The following PLXNA2 variants were observed in gnomAD, a reference collection of about 807,000 sequenced individuals.
The protein encoded by PLXNA2 is plexin-A2.
PLXNA2 carries 91 observed loss-of-function variants against 193.5 expected under a neutral mutation model. The ratio of observed to expected loss-of-function variants is 0.47; its 90% CI spans 0.40 to 0.56. The LOEUF (loss-of-function observed/expected upper bound fraction) is 0.56, where lower values mean the gene tolerates loss of function less well. Among genes scored for constraint, PLXNA2 ranks in the 20% least tolerant of loss-of-function variants. The probability of loss-of-function intolerance (pLI) is 0.00; values close to 1 mark genes in which losing one functional copy is unlikely to be tolerated. For missense variants in PLXNA2, 1,995 were observed against 2,503.2 expected, an observed-to-expected ratio of 0.80 and a Z score of 4.33; for synonymous variants, 997 against 1,027.3, an observed-to-expected ratio of 0.97 and a Z score of 0.56.
At chr1:208,226,993 C>T (rs1671531990) in intron 1 of PLXNA2, among the ~76,000 whole-genome samples, 1 of 152,242 alleles carries the variant, frequency 6.6e-6, no homozygotes, top group Non-Finnish European at 1.5e-5. Flanking sequence ...GGTCATCCCA[C>T]CTCTTCCCTG....
At chr1:208,160,832 A>G (rs1669086791) in intron 3 of PLXNA2, among the ~76,000 whole-genome samples, 1 of 152,246 alleles carries the variant, frequency 6.6e-6, no homozygotes, top group South Asian at 2.1e-4. Flanking sequence ...TGGGCCTTGT[A>G]CTATAATAGA....
rs2102324107 is a variant in PLXNA2, at chr1:208,044,992, G to A, written c.3639+75C>T. 1.9e-6 allele frequency: 3 copies of A among 1,558,096 alleles called. No individual in the cohort carries two copies. Among genetic ancestry groups the A allele is most frequent in the Non-Finnish European group, 2.6e-6 (3 of 1,133,160 alleles). ...GTGAGTCAGGCAACGAGACAGAAGA[G>A]AGCCTTTCCTTAGGACAGATCACAC... is the stretch of plus-strand genomic sequence containing the variant. On this transcript the variant is annotated intron_variant, in intron 19 of 31. Coordinates refer to ENST00000367033, the MANE Select transcript of PLXNA2 (RefSeq NM_025179.4). The surrounding 1 kb of genome is among the most constrained non-coding windows in gnomAD (Gnocchi z 4.9).
intron 3 of PLXNA2, among the ~76,000 whole-genome samples, chr1:208,157,692 GGTTCCGGGTTCAA>G (rs1204177018): frequency 2.0e-5 from 3 of 152,182 alleles, no homozygotes; most frequent in African/African-American, 7.2e-5. Context: ...AGCTGTGTAA[GGTTCCGGGTTCAA>G]GTTCTGGGTA....
chr1:208,107,166 A>G (rs959249497), intron 4 of PLXNA2, among the ~76,000 whole-genome samples: 17 of 152,360 alleles, frequency 1.1e-4, no homozygotes, highest in African/African-American at 3.8e-4. Context: ...CATTGGTGTC[A>G]CGTGTGAGAT....
At chr1:208,049,870 T>A (rs1372400645) in intron 17 of PLXNA2, among the ~76,000 whole-genome samples, 1 of 152,156 alleles carries the variant, frequency 6.6e-6, no homozygotes, top group Non-Finnish European at 1.5e-5. Context: ...ATCTTCTCCA[T>A]CTCCATCTTA....
At chr1:208,156,679 C>A (rs1483463296) in intron 3 of PLXNA2, among the ~76,000 whole-genome samples, 1 of 152,184 alleles carries the variant, frequency 6.6e-6, no homozygotes, top group African/African-American at 2.4e-5. Flanking sequence ...CATTTTAATG[C>A]TCTTATTCTG....
chr1:208,232,056 TG>T (rs1254818541), intron 1 of PLXNA2, among the ~76,000 whole-genome samples: 1 of 152,224 alleles, frequency 6.6e-6, no homozygotes, highest in East Asian at 1.9e-4. Context: ...GGAAAAGGCC[TG>T]GGGCTGGGAG....
At chr1:208,127,939 A>C (rs950592694) in intron 4 of PLXNA2, among the ~76,000 whole-genome samples, 3 of 152,100 alleles carry the variant, frequency 2.0e-5, no homozygotes, top group African/African-American at 7.2e-5. Context: ...TAGGAATCTG[A>C]TCATGAAGAC....
chr1:208,023,078 A>G lies in PLXNA2; in HGVS notation c.*4165T>C, dbSNP rs1664232735. 2.0e-5 allele frequency: 3 copies of G among 152,208 alleles called. No individual in the cohort carries two copies. Among genetic ancestry groups the G allele is most frequent in the Non-Finnish European group, 4.4e-5 (3 of 68,050 alleles). The allele number at this position is 152,208 out of a possible 1,614,324, so 9.4% of individuals were successfully genotyped here. On this transcript the variant is annotated 3_prime_UTR_variant, in exon 32 of 32. Transcript: ENST00000367033. ...TGGAAAGGATGCTACCATTTTTCTC[A>G]AAGCATGTTCCTGAGACAAGGCGTC...
At chr1:208,151,716 G>T (rs1474383679) in intron 3 of PLXNA2, among the ~76,000 whole-genome samples, 1 of 152,174 alleles carries the variant, frequency 6.6e-6, no homozygotes, top group Non-Finnish European at 1.5e-5. Context: ...TCTGAGGTAG[G>T]CATTCTCATT....
Position 208,038,563 on chromosome 1 carries a change from G to T in PLXNA2, c.4661-89C>A. 9.5e-7 allele frequency: 1 copy of T among 1,051,624 alleles called. No individual in the cohort carries two copies. The highest frequency in any genetic ancestry group is 1.5e-6 in the Non-Finnish European group (1 of 676,298). 65.1% of individuals were successfully genotyped at this position (1,051,624 alleles called of 1,614,324 possible). A position where few individuals can be genotyped will look rare whatever the true frequency, so the allele number is the denominator to read the frequency against. On this transcript the variant is annotated intron_variant, in intron 25 of 31. Transcript: ENST00000367033. This position sits in a 1 kb window ranked among gnomAD's most constrained non-coding sequence, Gnocchi z 4.1. ...CCGATTGCACCTTCTCTAGGGACCT[G>T]GCAACCCGGCCCCCTCAAGCTGGTA...
chr1:208,116,277 C>T (rs994459280), intron 4 of PLXNA2, among the ~76,000 whole-genome samples: 2 of 152,238 alleles, frequency 1.3e-5, no homozygotes, highest in African/African-American at 4.8e-5. Context: ...ACTTTTTATA[C>T]TCTTCTTAGG....
intron 3 of PLXNA2, among the ~76,000 whole-genome samples, chr1:208,191,268 T>C (rs1355394599): frequency 6.6e-6 from 1 of 152,172 alleles, no homozygotes; most frequent in Non-Finnish European, 1.5e-5. Context: ...ATCAAGAAGG[T>C]GCCTCAAAAT....
chr1:208,131,988 G>T (rs541501530), intron 4 of PLXNA2, among the ~76,000 whole-genome samples: 1 of 152,216 alleles, frequency 6.6e-6, no homozygotes, highest in African/African-American at 2.4e-5. Context: ...TGTCAAACGG[G>T]GGAGATAATA....
At chr1:208,234,711 T>A (rs1045105730) in intron 1 of PLXNA2, among the ~76,000 whole-genome samples, 1 of 152,144 alleles carries the variant, frequency 6.6e-6, no homozygotes, top group Admixed American at 6.5e-5. Context: ...GTGAGATGCC[T>A]GTCTGCTCAA....
chr1:208,171,728 C>A (rs1050090557), intron 3 of PLXNA2, among the ~76,000 whole-genome samples: 6 of 151,968 alleles, frequency 3.9e-5, no homozygotes, highest in Non-Finnish European at 8.8e-5. Context: ...ATGTGGCATG[C>A]GCCTGTAGTC....
At chr1:208,061,037 T>C (rs750865994) in intron 12 of PLXNA2, among the ~76,000 whole-genome samples, 200 bp from the exon 13 acceptor site, 8 of 152,118 alleles carry the variant, frequency 5.3e-5, no homozygotes, top group Non-Finnish European at 1.2e-4. Flanking sequence ...TTACACTGCT[T>C]CCTCGGTTCT....
chr1:208,084,254 C>T, intron 10 of PLXNA2, 126 bp downstream of exon 10: 1 of 997,798 alleles, frequency 1.0e-6, no homozygotes. Context: ...TCCTGCATCC[C>T]TGGGGATGTG....
At chr1:208,032,273 C>T (rs757283299) in intron 28 of PLXNA2, 19 of 312,776 alleles carry the variant, frequency 6.1e-5, no homozygotes, top group Non-Finnish European at 8.4e-5. Context: ...TCAAGAACCA[C>T]CTCCCCACAG....
Sources: gnomAD v4.1 joint callset for allele counts (sites outside exome capture counted in the v4.1 genomes callset) on GRCh38, gnomAD v4.1.1 for gene constraint, Gnocchi (gnomAD v3.1) non-coding constraint, MANE v1.5 for transcripts, NCBI Gene and HGNC (gene_info 2026-07-23, HGNC 2026-07-21) for gene names.